PRKCA: variants seen among roughly 807,000 people sequenced by gnomAD.
PRKCA encodes protein kinase C alpha type.
A neutral mutation model predicts 87.0 loss-of-function variants in PRKCA; 27 were observed. The observed-to-expected ratio is 0.31, with a 90% confidence interval of 0.23 to 0.43. The LOEUF (loss-of-function observed/expected upper bound fraction) is 0.43. Ranked by LOEUF, PRKCA falls within the 20% of genes least tolerant of loss-of-function variation. The pLI is 1.00. For synonymous variants in PRKCA, 329 were observed against 311.1 expected (o/e 1.06, Z -0.61); for missense variants, 518 against 852.3 (o/e 0.61, Z 4.88).
chr17:66,318,964 AT>A (rs34692562), intron 2 of PRKCA, among the ~76,000 whole-genome samples: 57,358 of 98,872 alleles, frequency 0.58, 10,917 homozygotes, highest in Middle Eastern at 0.67. Context: ...CTACAAAAAA[AT>A]ATTTTTTGTA....
chr17:66,377,698 G>GT (rs61113832), intron 2 of PRKCA, among the ~76,000 whole-genome samples: 1 of 86,060 alleles, frequency 1.2e-5, no homozygotes, highest in Non-Finnish European at 2.1e-5. Context: ...TAAAGTCTAT[G>GT]TTTTATATAT....
chr17:66,550,297 C>T (rs1394284150), intron 3 of PRKCA, among the ~76,000 whole-genome samples: 1 of 152,086 alleles, frequency 6.6e-6, no homozygotes, highest in Admixed American at 6.5e-5. Context: ...GAAAACGTGC[C>T]AAGTTTCTGC....
intron 2 of PRKCA, among the ~76,000 whole-genome samples, chr17:66,395,060 T>C (rs8075733): frequency 0.79 from 120,524 of 152,176 alleles, 48,220 homozygotes; most frequent in South Asian, 0.87. Context: ...ATTGTAACTA[T>C]TAAGTTTAAA....
At chr17:66,440,410 G>A (rs1230258800) in intron 2 of PRKCA, among the ~76,000 whole-genome samples, 1 of 152,052 alleles carries the variant, frequency 6.6e-6, no homozygotes, top group Non-Finnish European at 1.5e-5. Context: ...TGGGTTATTC[G>A]GGAAGTCAGC....
chr17:66,746,550 T>A (rs1974290813), intron 13 of PRKCA, among the ~76,000 whole-genome samples: 1 of 152,236 alleles, frequency 6.6e-6, no homozygotes, highest in African/African-American at 2.4e-5. Flanking sequence ...AATCATTATC[T>A]TGCATGGCAT....
intron 2 of PRKCA, among the ~76,000 whole-genome samples, chr17:66,361,602 C>T (rs960675880): frequency 5.3e-5 from 8 of 152,152 alleles, no homozygotes; most frequent in Admixed American, 2.6e-4. Context: ...TGAGCCACTG[C>T]GCCAGCCCAT....
chr17:66,485,678 G>C (rs994874620), intron 2 of PRKCA, among the ~76,000 whole-genome samples: 2 of 152,112 alleles, frequency 1.3e-5, no homozygotes, highest in Non-Finnish European at 2.9e-5. Context: ...ACTGCCGGCA[G>C]ACCTACATGC....
At chr17:66,636,566 G>C (rs1018176598) in intron 3 of PRKCA, among the ~76,000 whole-genome samples, 5 of 152,148 alleles carry the variant, frequency 3.3e-5, no homozygotes, top group Admixed American at 1.3e-4. Flanking sequence ...TTAGCCCAGA[G>C]GATAGGGAGT....
At chr17:66,595,454 C>A (rs946776612) in intron 3 of PRKCA, among the ~76,000 whole-genome samples, 63 of 114,680 alleles carry the variant, frequency 5.5e-4, no homozygotes, top group Non-Finnish European at 8.9e-4. Context: ...ATTTTATTTT[C>A]TTTTCCTTCT....
chr17:66,366,052 A>C (rs970659590), intron 2 of PRKCA, among the ~76,000 whole-genome samples: 3 of 152,144 alleles, frequency 2.0e-5, no homozygotes, highest in African/African-American at 7.2e-5. Flanking sequence ...TTTATCCTTA[A>C]GATTGTGAGA....
At chr17:66,764,122 G>C (rs1375818104) in intron 13 of PRKCA, among the ~76,000 whole-genome samples, 1 of 152,198 alleles carries the variant, frequency 6.6e-6, no homozygotes, top group East Asian at 1.9e-4. Flanking sequence ...ACAAGCTACT[G>C]TGTCTCTCTG....
At chr17:66,405,137 C>T (rs1364357487) in intron 2 of PRKCA, among the ~76,000 whole-genome samples, 1 of 152,106 alleles carries the variant, frequency 6.6e-6, no homozygotes, top group African/African-American at 2.4e-5. Flanking sequence ...GGAGAGAAGG[C>T]AGAGCACAGT....
intron 2 of PRKCA, among the ~76,000 whole-genome samples, chr17:66,362,687 T>C (rs1170792201): frequency 6.6e-5 from 10 of 151,866 alleles, no homozygotes; most frequent in African/African-American, 2.4e-4. Flanking sequence ...TTTTTTTTTT[T>C]TCCTCTTTGT....
intron 2 of PRKCA, among the ~76,000 whole-genome samples, chr17:66,371,597 C>T (rs1909108137): frequency 6.6e-6 from 1 of 152,220 alleles, no homozygotes; most frequent in African/African-American, 2.4e-5. Context: ...ATAATAACAG[C>T]ATAAGAGCAC....
chr17:66,644,605 G>A (rs1277987160), intron 4 of PRKCA, among the ~76,000 whole-genome samples: 1 of 152,114 alleles, frequency 6.6e-6, no homozygotes, highest in Non-Finnish European at 1.5e-5. Context: ...TGCTAGGCGG[G>A]TATTTGTTTT....
At chr17:66,331,121 T>A (rs1452482529) in intron 2 of PRKCA, among the ~76,000 whole-genome samples, 2 of 152,210 alleles carry the variant, frequency 1.3e-5, no homozygotes, top group Admixed American at 6.5e-5. Flanking sequence ...TTTGGAATCT[T>A]ATCTCCCTGC....
Position 66,752,765 on chromosome 17 carries a change from G to A in PRKCA, c.1524+10005G>A, listed in dbSNP as rs1974466587. ...ACGCCACATGGGTTCTCCTCTACCT[G>A]GTCCTTCTTTCCATGCAGCCACTTG... On this transcript the variant is annotated intron_variant, in intron 13 of 16. Coordinates refer to ENST00000413366, the MANE Select transcript of PRKCA (RefSeq NM_002737.3). Among the ~76,000 whole-genome samples, 3 of 152,150 alleles carry A rather than the reference G, an allele frequency of 2.0e-5. No homozygotes were observed. In the South Asian group the frequency reaches 6.2e-4, roughly 31 times the overall value.
chr17:66,417,892 TA>T (rs1278251656), intron 2 of PRKCA, among the ~76,000 whole-genome samples: 5 of 152,186 alleles, frequency 3.3e-5, no homozygotes, highest in Non-Finnish European at 7.3e-5. Context: ...GGATTTTTCT[TA>T]AACTACTTAC....
chr17:66,328,131 A>G (rs1196231704), intron 2 of PRKCA, among the ~76,000 whole-genome samples: 1 of 152,126 alleles, frequency 6.6e-6, no homozygotes, highest in East Asian at 1.9e-4. Context: ...TGCAATCTCA[A>G]TCTCCTGGGC....
Sources: gnomAD v4.1 joint callset for allele counts (sites outside exome capture counted in the v4.1 genomes callset) on GRCh38, gnomAD v4.1.1 for gene constraint, MANE v1.5 for transcripts, NCBI Gene and HGNC (gene_info 2026-07-23, HGNC 2026-07-21) for gene names.